The following CCDC146 variants were observed in gnomAD, a reference collection of about 807,000 sequenced individuals.
CCDC146 encodes coiled-coil domain-containing protein 146.
CCDC146 carries 92 observed loss-of-function variants against 119.3 expected under a neutral mutation model. The observed-to-expected ratio is 0.77, with a 90% CI of 0.65 to 0.92. CCDC146 has a LOEUF of 0.92. Among genes scored for constraint, CCDC146 ranks in the 40% least tolerant of loss-of-function variants. CCDC146 has a pLI of 0.00. For synonymous variants in CCDC146, 372 were observed against 371.8 expected (o/e 1.00, Z -0.01); for missense variants, 1,000 against 1,103.0 (o/e 0.91, Z 1.32).
At position 77,125,359 on chromosome 7, in the gene CCDC146, G is replaced by GTAA. The variant is rs199973842; in HGVS notation, c.-12+2640_-12+2642dup. On this transcript the variant is annotated intron_variant, in intron 1 of 18. Coordinates refer to ENST00000285871, the MANE Select transcript of CCDC146 (RefSeq NM_020879.3). ...GCACGTATAGTATGATCTCAATTGTGTAATAATAATAATAAATTTAACATA... is the reference window on the plus strand; with the variant it reads ...GCACGTATAGTATGATCTCAATTGTGTAATAATAATAATAATAAATTTAACATA... 6.5e-3 allele frequency among the ~76,000 whole-genome samples: 984 copies of GTAA among 150,926 alleles called. 45 individuals carry two copies. In the East Asian group the frequency reaches 0.14, roughly 21 times the overall value.
intron 4 of CCDC146, among the ~76,000 whole-genome samples, chr7:77,247,558 G>A (rs1792977002): frequency 6.6e-6 from 1 of 152,066 alleles, no homozygotes; most frequent in South Asian, 2.1e-4. Context: ...AATTCAATGT[G>A]ACACATGTAT....
At chr7:77,192,630 A>T (rs1436976648) in intron 2 of CCDC146, among the ~76,000 whole-genome samples, 1 of 152,238 alleles carries the variant, frequency 6.6e-6, no homozygotes, top group Non-Finnish European at 1.5e-5. Context: ...CTTGTAGAAA[A>T]TAAGGCATTG....
intron 9 of CCDC146, among the ~76,000 whole-genome samples, chr7:77,263,481 C>T (rs1443554887): frequency 2.0e-5 from 3 of 152,138 alleles, no homozygotes; most frequent in South Asian, 2.1e-4. Context: ...ATTTGGAGGT[C>T]GTTTATTTCT....
chr7:77,248,764 C>T (rs1793002026), intron 4 of CCDC146, among the ~76,000 whole-genome samples: 1 of 152,182 alleles, frequency 6.6e-6, no homozygotes, highest in South Asian at 2.1e-4. Flanking sequence ...TTGTTTAGAA[C>T]ATTCAAGCTA....
At chr7:77,218,789 C>T (rs979814552) in intron 2 of CCDC146, among the ~76,000 whole-genome samples, 2 of 151,766 alleles carry the variant, frequency 1.3e-5, no homozygotes, top group Non-Finnish European at 2.9e-5. Context: ...CTAGGCTGGT[C>T]CCTAACTCCT....
intron 3 of CCDC146, among the ~76,000 whole-genome samples, chr7:77,241,049 CGG>C (rs1227356437): frequency 1.7e-4 from 11 of 63,412 alleles, no homozygotes; most frequent in African/African-American, 5.4e-4. Flanking sequence ...GTCGCCCAGG[CGG>C]GAGTGCAGTG....
At chr7:77,284,340 G>C (rs1347102537) in intron 15 of CCDC146, among the ~76,000 whole-genome samples, 1 of 151,880 alleles carries the variant, frequency 6.6e-6, no homozygotes, top group Non-Finnish European at 1.5e-5. Flanking sequence ...GATTTCACTG[G>C]CTTCTCTTTC....
Position 77,167,840 on chromosome 7 carries a change from T to G in CCDC146, c.156+16T>G. 6.2e-7 allele frequency: 1 copy of G among 1,610,836 alleles called. No individual in the cohort carries two copies. The stretch of plus-strand genomic sequence containing the variant: ...TCTGCATGAGGTATATTTTTCTTTA[T>G]ATGTTACTACAGTAAAACCCAACTC... On this transcript the variant is annotated intron_variant, in intron 2 of 18. Transcript: ENST00000285871.
intron 10 of CCDC146, among the ~76,000 whole-genome samples, chr7:77,274,024 T>C (rs1255763945): frequency 6.6e-6 from 1 of 152,232 alleles, no homozygotes; most frequent in Non-Finnish European, 1.5e-5. Context: ...TTTTAAATTA[T>C]GGGCTGTTGA....
chr7:77,175,597 G>A (rs1156722426), intron 2 of CCDC146, among the ~76,000 whole-genome samples: 1 of 151,278 alleles, frequency 6.6e-6, no homozygotes, highest in Non-Finnish European at 1.5e-5. Context: ...TACAAAATAT[G>A]TAATAGCAGC....
chr7:77,196,375 A>AC lies in CCDC146; in HGVS notation c.156+28555dup, dbSNP rs1791870439. 6.2e-7 allele frequency: 1 copy of AC among 1,614,000 alleles called. No homozygotes were observed. Among genetic ancestry groups the AC allele is most frequent in the South Asian group, 1.1e-5 (1 of 91,084 alleles). ...GTGCCTCACTTACACCAGGCCAGGTACCCCAGAAAATCCCATTACGGACAC... is the reference window on the plus strand; with the variant it reads ...GTGCCTCACTTACACCAGGCCAGGTACCCCCAGAAAATCCCATTACGGACAC... On this transcript the variant is annotated intron_variant, in intron 2 of 18. Transcript: ENST00000285871. The surrounding 1 kb of genome is among the most constrained non-coding windows in gnomAD (Gnocchi z 4.2).
chr7:77,266,819 TGTGTCACTCACC>T (rs1793411623), intron 9 of CCDC146, among the ~76,000 whole-genome samples: 1 of 152,156 alleles, frequency 6.6e-6, no homozygotes, highest in African/African-American at 2.4e-5. Flanking sequence ...GACACATTCA[TGTGTCACTCACC>T]TGCTCAAGAC....
At chr7:77,124,566 C>T (rs562790841) in intron 1 of CCDC146, among the ~76,000 whole-genome samples, 14 of 152,184 alleles carry the variant, frequency 9.2e-5, no homozygotes, top group East Asian at 1.9e-4. Flanking sequence ...TCTACCAAAA[C>T]GTCCATTTTC....
At chr7:77,283,739 T>C (rs75397705) in intron 15 of CCDC146, among the ~76,000 whole-genome samples, 12,211 of 151,992 alleles carry the variant, frequency 0.08, 687 homozygotes, top group Non-Finnish European at 0.11. Context: ...TAGATCCCCC[T>C]TTTTTTTAAT....
At chr7:77,234,466 G>A (rs1792695852) in intron 2 of CCDC146, among the ~76,000 whole-genome samples, 1 of 152,224 alleles carries the variant, frequency 6.6e-6, no homozygotes, top group South Asian at 2.1e-4. Context: ...CGGGCGCAGT[G>A]GCTCACGCCT....
chr7:77,240,069 A>G (rs924657669), intron 3 of CCDC146, among the ~76,000 whole-genome samples: 7 of 152,186 alleles, frequency 4.6e-5, no homozygotes, highest in Non-Finnish European at 8.8e-5. Context: ...CTGTTTTTTC[A>G]TAGTTCACTA....
intron 1 of CCDC146, among the ~76,000 whole-genome samples, chr7:77,146,400 C>T (rs1385250385): frequency 3.9e-5 from 6 of 152,042 alleles, no homozygotes; most frequent in Admixed American, 6.6e-5. Context: ...AATTGGAGCA[C>T]TTAGCCCATA....
intron 15 of CCDC146, among the ~76,000 whole-genome samples, chr7:77,283,912 C>G (rs1001803485): frequency 6.6e-6 from 1 of 152,050 alleles, no homozygotes; most frequent in Non-Finnish European, 1.5e-5. Context: ...TTTAATTTAG[C>G]CTTGAGTTCT....
At chr7:77,262,099 C>T (rs757697263) in intron 8 of CCDC146, 22 bp from the exon 9 acceptor site, 438 of 1,540,190 alleles carry the variant, frequency 2.8e-4, no homozygotes, top group Non-Finnish European at 3.7e-4. Flanking sequence ...TCATTTTCTT[C>T]TTCTTCCTTT....
Sources: gnomAD v4.1 joint callset for allele counts (sites outside exome capture counted in the v4.1 genomes callset) on GRCh38, gnomAD v4.1.1 for gene constraint, Gnocchi (gnomAD v3.1) non-coding constraint, MANE v1.5 for transcripts, NCBI Gene and HGNC (gene_info 2026-07-23, HGNC 2026-07-21) for gene names.